Variants in LHFPL2 observed in about 807,000 individuals in gnomAD.
LHFPL2 encodes the protein LHFPL tetraspan subfamily member 2, also known as LHFPL tetraspan subfamily member 2 protein.
LHFPL2 carries 7 observed loss-of-function variants against 17.5 expected under a neutral mutation model. The observed-to-expected ratio is 0.40, with a 90% CI of 0.23 to 0.75. LHFPL2 has a LOEUF of 0.75. Among genes scored for constraint, LHFPL2 ranks in the 30% least tolerant of loss-of-function variants. LHFPL2 has a pLI of 0.37. For synonymous variants in LHFPL2, 134 were observed against 116.2 expected (o/e 1.15, Z -0.99); for missense variants, 241 against 294.8 (o/e 0.82, Z 1.34).
intron 2 of LHFPL2, among the ~76,000 whole-genome samples, chr5:78,569,456 C>T (rs746381037): frequency 1.3e-5 from 2 of 152,206 alleles, no homozygotes; most frequent in Admixed American, 6.5e-5. Flanking sequence ...AAGCATTAAT[C>T]GTTGCTCCAG....
intron 3 of LHFPL2, among the ~76,000 whole-genome samples, chr5:78,564,058 C>A (rs1410817262): frequency 6.6e-6 from 1 of 152,164 alleles, no homozygotes; most frequent in East Asian, 1.9e-4. Context: ...GGCAGACCCT[C>A]CTGGAAAGGG....
chr5:78,648,344 C>A lies in LHFPL2; in HGVS notation c.-350+155G>T, dbSNP rs970476329. Among the ~76,000 whole-genome samples the A allele has an allele frequency of 6.6e-6, 1 of 151,998 alleles. No individual in the cohort carries two copies. The highest frequency in any genetic ancestry group is 6.5e-5 in the Admixed American group (1 of 15,268). On this transcript the variant is annotated intron_variant, in intron 1 of 4. Coordinates refer to ENST00000380345, the MANE Select transcript of LHFPL2 (RefSeq NM_005779.3). The surrounding 1 kb of genome is among the most constrained non-coding windows in gnomAD (Gnocchi z 5.4). Reference sequence around the variant, plus strand: ...GACCGCTCGGCGCGGTCTCCCAGGGCGCCGAAGCGAAGTTCCCGCGCCAGC... The same window carrying A: ...GACCGCTCGGCGCGGTCTCCCAGGGAGCCGAAGCGAAGTTCCCGCGCCAGC...
intron 3 of LHFPL2, among the ~76,000 whole-genome samples, chr5:78,547,014 T>TAA (rs369689330): frequency 6.8e-4 from 93 of 137,684 alleles, no homozygotes; most frequent in Middle Eastern, 7.4e-3. Flanking sequence ...ACTGTACTGG[T>TAA]AAAAAAAAAA....
At chr5:78,635,540 C>T (rs569158619) in intron 1 of LHFPL2, among the ~76,000 whole-genome samples, 11 of 152,376 alleles carry the variant, frequency 7.2e-5, no homozygotes, top group Admixed American at 4.6e-4. Context: ...CAGTGGCTTA[C>T]GCCTGTAATT....
At chr5:78,574,552 T>C (rs1326695768) in intron 2 of LHFPL2, among the ~76,000 whole-genome samples, 2 of 152,246 alleles carry the variant, frequency 1.3e-5, no homozygotes, top group African/African-American at 4.8e-5. Flanking sequence ...ATGTCTCAGA[T>C]GCATTTCCCA....
At chr5:78,500,132 T>C (rs1217925136) in intron 4 of LHFPL2, among the ~76,000 whole-genome samples, 2 of 151,804 alleles carry the variant, frequency 1.3e-5, no homozygotes, top group Non-Finnish European at 2.9e-5. Flanking sequence ...AATAATGCCA[T>C]CCACAAAATC....
intron 3 of LHFPL2, among the ~76,000 whole-genome samples, chr5:78,524,953 G>A (rs1461845065): frequency 6.6e-6 from 1 of 152,134 alleles, no homozygotes; most frequent in Non-Finnish European, 1.5e-5. Context: ...TACTCCTTGA[G>A]TATTAAAGGT....
At chr5:78,607,961 G>C (rs1032721557) in intron 2 of LHFPL2, among the ~76,000 whole-genome samples, 1 of 152,198 alleles carries the variant, frequency 6.6e-6, no homozygotes, top group Non-Finnish European at 1.5e-5. Context: ...AGCTTTTTAA[G>C]AAGATATGTG....
chr5:78,610,146 C>G (rs1472476059), intron 2 of LHFPL2, among the ~76,000 whole-genome samples: 3 of 152,154 alleles, frequency 2.0e-5, no homozygotes, highest in Non-Finnish European at 4.4e-5. Flanking sequence ...CCACCCCAGG[C>G]AGACCACCAG....
chr5:78,542,434 C>A (rs1463984493), intron 3 of LHFPL2, among the ~76,000 whole-genome samples: 5 of 152,174 alleles, frequency 3.3e-5, no homozygotes, highest in Non-Finnish European at 7.3e-5. Context: ...CAGGAATCAC[C>A]CTAGTGGGCT....
At chr5:78,638,081 G>A (rs1321535032) in intron 1 of LHFPL2, among the ~76,000 whole-genome samples, 8 of 152,300 alleles carry the variant, frequency 5.3e-5, no homozygotes, top group Admixed American at 6.5e-5. Context: ...AGGGCCGGGC[G>A]TGGTGGCTTA....
chr5:78,638,092 C>T (rs1347830127), intron 1 of LHFPL2, among the ~76,000 whole-genome samples: 1 of 152,188 alleles, frequency 6.6e-6, no homozygotes. Context: ...TGGTGGCTTA[C>T]ACCTGTAATC....
intron 3 of LHFPL2, among the ~76,000 whole-genome samples, chr5:78,548,350 C>T (rs1047447166): frequency 6.6e-5 from 10 of 152,268 alleles, no homozygotes; most frequent in African/African-American, 2.2e-4. Flanking sequence ...GTCCCAAGCA[C>T]TTGCCTGTCC....
chr5:78,534,231 A>T (rs559695128), intron 3 of LHFPL2, among the ~76,000 whole-genome samples: 1 of 152,338 alleles, frequency 6.6e-6, no homozygotes, highest in South Asian at 2.1e-4. Context: ...TCGAGAGAAC[A>T]GGAGAGGCGG....
At position 78,509,821 on chromosome 5, in the gene LHFPL2, G is replaced by A. The variant is rs760601279; in HGVS notation, c.393C>T (p.Ser131=). The A allele has an allele frequency of 6.2e-7, 1 of 1,613,626 alleles. No individual in the cohort carries two copies. Among genetic ancestry groups the A allele is most frequent in the Admixed American group, 1.7e-5 (1 of 60,004 alleles). ...GCAACAGCCCACAGACATTGAAGAT[G>A]CTTTTCTTCATGATGCTCTGTACAC... is the stretch of plus-strand genomic sequence containing the variant. ...TMCVQSIMKK[S]IFNVCGLLQG... Residue 131 remains serine (S), a synonymous_variant, in exon 4 of 5, where the codon AGC becomes AGT. Coordinates refer to ENST00000380345, the MANE Select transcript of LHFPL2 (RefSeq NM_005779.3).
At chr5:78,607,150 G>A (rs1252471418) in intron 2 of LHFPL2, among the ~76,000 whole-genome samples, 1 of 151,882 alleles carries the variant, frequency 6.6e-6, no homozygotes, top group African/African-American at 2.4e-5. Context: ...CCCTCCTGTT[G>A]CCCAGGCTGG....
At chr5:78,631,711 G>A (rs867386848) in intron 2 of LHFPL2, among the ~76,000 whole-genome samples, 5 of 152,192 alleles carry the variant, frequency 3.3e-5, no homozygotes, top group Admixed American at 1.3e-4. Flanking sequence ...CAACGCAGGC[G>A]GATCACTTGA....
intron 3 of LHFPL2, among the ~76,000 whole-genome samples, chr5:78,547,874 A>T (rs1449562832): frequency 6.6e-6 from 1 of 152,244 alleles, no homozygotes; most frequent in Non-Finnish European, 1.5e-5. Context: ...ACTGGCCAGG[A>T]GGGTTGGGGC....
chr5:78,549,944 T>C (rs967038463), intron 3 of LHFPL2, among the ~76,000 whole-genome samples: 1 of 152,194 alleles, frequency 6.6e-6, no homozygotes, highest in African/African-American at 2.4e-5. Flanking sequence ...CTTGAAAAAC[T>C]TTCCTAGAAG....
Sources: allele counts gnomAD v4.1 joint callset (sites outside exome capture counted in the v4.1 genomes callset), GRCh38; gene constraint gnomAD v4.1.1; non-coding constraint Gnocchi (gnomAD v3.1); transcripts MANE v1.5; gene names NCBI Gene and HGNC (gene_info 2026-07-23, HGNC 2026-07-21).